Variants in GPATCH11 observed in about 807,000 individuals in gnomAD.
The protein encoded by GPATCH11 is G-patch domain containing 11.
In GPATCH11, 32 loss-of-function variants were observed where a neutral mutation model predicts 44.8. That is an observed-to-expected ratio of 0.71 (90% CI 0.54 to 0.96). The LOEUF (loss-of-function observed/expected upper bound fraction) is 0.96, where lower values mean the gene tolerates loss of function less well. GPATCH11 is among the 40% of genes least tolerant of loss of function. The probability of loss-of-function intolerance (pLI) is 0.00; values close to 1 mark genes in which losing one functional copy is unlikely to be tolerated. For synonymous variants in GPATCH11, 84 were observed against 94.4 expected (o/e 0.89, Z 0.64); for missense variants, 324 against 303.1 (o/e 1.07, Z -0.51).
rs376975082 is a variant in GPATCH11 at position 37,093,991 on chromosome 2, G to A, written c.541-91G>A. 66 of 829,112 alleles carry A rather than the reference G, an allele frequency of 8.0e-5. 1 individual carries two copies. Among genetic ancestry groups the A allele is most frequent in the East Asian group, 1.6e-4 (6 of 36,544 alleles). 51.4% of individuals were successfully genotyped at this position (829,112 alleles called of 1,614,324 possible). On this transcript the variant is annotated intron_variant, in intron 6 of 8. Coordinates refer to ENST00000674370, the MANE Select transcript of GPATCH11 (RefSeq NM_174931.4). ...TCTTAAAGCCACACTCAGTGAATAC[G>A]TATTGAAAGAATGAATTCATGTTGA...
At position 37,098,367 on chromosome 2, in the gene GPATCH11, T is replaced by C. The variant is rs34698441; in HGVS notation, c.*2104T>C. ...ATATATGTATGTATATATATATATA[T>C]ATAGAGAGAGAGAGAGAGAGAGAGC... On this transcript the variant is annotated 3_prime_UTR_variant, in exon 9 of 9. Transcript: ENST00000674370. The C allele has an allele frequency of 2.2e-5, 3 of 136,008 alleles. No individual in the cohort carries two copies. The highest frequency in any genetic ancestry group is 7.4e-5 in the Admixed American group (1 of 13,536). 8.4% of individuals were successfully genotyped at this position (136,008 alleles called of 1,614,324 possible). A position where few individuals can be genotyped will look rare whatever the true frequency, so the allele number is the denominator to read the frequency against.
chr2:37,090,285 A>G (rs1673252695), intron 3 of GPATCH11, among the ~76,000 whole-genome samples: 1 of 152,186 alleles, frequency 6.6e-6, no homozygotes, highest in Non-Finnish European at 1.5e-5. Context: ...CTCAATTCTC[A>G]CCTCTCTTTT....
chr2:37,093,103 G>A (rs891587801), intron 6 of GPATCH11, among the ~76,000 whole-genome samples: 2 of 152,182 alleles, frequency 1.3e-5, no homozygotes, highest in Admixed American at 6.5e-5. Flanking sequence ...CTATGTTCAT[G>A]CCACTGCACT....
At chr2:37,087,514 T>C (rs1469251959) in intron 1 of GPATCH11, among the ~76,000 whole-genome samples, 4 of 152,178 alleles carry the variant, frequency 2.6e-5, no homozygotes, top group African/African-American at 9.7e-5. Flanking sequence ...AGAAGTACTT[T>C]TGTAGAAAAT....
Position 37,099,027 on chromosome 2 carries a change from CG to C in GPATCH11, c.*2765del, listed in dbSNP as rs1244440866. The C allele has an allele frequency of 1.3e-5, 2 of 152,054 alleles. No individual in the cohort carries two copies. The highest frequency in any genetic ancestry group is 6.5e-5 in the Admixed American group (1 of 15,272). The allele number at this position is 152,054 out of a possible 1,614,324, so 9.4% of individuals were successfully genotyped here. On this transcript the variant is annotated 3_prime_UTR_variant, in exon 9 of 9. Transcript: ENST00000674370. ...TAAAATTTGTTGTAGAACATTAATA[CG>C]AAATTTGAAACTGCAAAACAATGTA...
chr2:37,089,954 T>G (rs1673237861), intron 3 of GPATCH11, 88 bp downstream of exon 3: 1 of 900,298 alleles, frequency 1.1e-6, no homozygotes, highest in South Asian at 1.6e-5. Flanking sequence ...TTAATCTTTA[T>G]CTACACAGAA....
At chr2:37,090,636 T>G (rs1329833404) in intron 3 of GPATCH11, 45 bp from the exon 4 acceptor site, 1 of 1,148,832 alleles carries the variant, frequency 8.7e-7, no homozygotes, top group Admixed American at 2.1e-5. Context: ...TGTTCTGTAG[T>G]TTGAGGAAAA....
chr2:37,096,027 T>C (rs1015894577), intron 8 of GPATCH11, among the ~76,000 whole-genome samples, 181 bp from the exon 9 acceptor site: 4 of 152,242 alleles, frequency 2.6e-5, no homozygotes, highest in African/African-American at 9.6e-5. Context: ...CTTTGCTAAC[T>C]TGTATTTAAG....
Position 37,092,240 on chromosome 2 carries a change from A to T in GPATCH11, c.525A>T (p.Gln175His), listed in dbSNP as rs1015832919. The change falls in exon 6 of 9, where the codon CAA becomes CAT. Residue 175 changes from glutamine (Q) to histidine (H), a missense_variant. Coordinates refer to ENST00000674370, the MANE Select transcript of GPATCH11 (RefSeq NM_174931.4). ...GAAGAAGCCAGCGAGCCTGTCAACAACTGGATGTCCAGAAAGTAAGCCTTT... is the reference window on the plus strand; with the variant it reads ...GAAGAAGCCAGCGAGCCTGTCAACATCTGGATGTCCAGAAAGTAAGCCTTT... ...DLRRSQRACQQLDVQKNIQVP... is the reference protein window; with the variant it reads ...DLRRSQRACQHLDVQKNIQVP... The T allele has an allele frequency of 6.7e-7, 1 of 1,495,074 alleles. No individual in the cohort carries two copies. The highest frequency in any genetic ancestry group is 1.4e-5 in the African/African-American group (1 of 70,242). The allele number at this position is 1,495,074 out of a possible 1,614,324, so 92.6% of individuals were successfully genotyped here. A position where few individuals can be genotyped will look rare whatever the true frequency, so the allele number is the denominator to read the frequency against.
intron 2 of GPATCH11, among the ~76,000 whole-genome samples, chr2:37,089,309 G>A (rs1206924549): frequency 6.6e-6 from 1 of 152,180 alleles, no homozygotes; most frequent in East Asian, 1.9e-4. Flanking sequence ...GCTCACGCCT[G>A]TAATCCCAGC....
Position 37,092,245 on chromosome 2 carries a change from A to T in GPATCH11, c.530A>T (p.Asp177Val). 1.3e-6 allele frequency: 2 copies of T among 1,485,970 alleles called. No homozygotes were observed. The allele number at this position is 1,485,970 out of a possible 1,614,324, so 92.0% of individuals were successfully genotyped here. ...RRSQRACQQL[D>V]VQKNIQVPRE... ...AGCCAGCGAGCCTGTCAACAACTGG[A>T]TGTCCAGAAAGTAAGCCTTTTACCA... The change falls in exon 6 of 9, where the codon GAT (aspartate) becomes GTT (valine). Residue 177 changes from aspartate (D) to valine (V), a missense_variant. By Grantham distance (152) the Asp-to-Val change is radical. Transcript: ENST00000674370.
intron 1 of GPATCH11, among the ~76,000 whole-genome samples, chr2:37,085,629 C>G (rs1672978469): frequency 6.6e-6 from 1 of 152,106 alleles, no homozygotes; most frequent in South Asian, 2.1e-4. Flanking sequence ...ATTCTTAGAA[C>G]CAAAAGAGAG....
intron 1 of GPATCH11, among the ~76,000 whole-genome samples, chr2:37,088,132 G>A (rs1196188054): frequency 6.6e-6 from 1 of 152,176 alleles, no homozygotes; most frequent in African/African-American, 2.4e-5. Flanking sequence ...AAGAGGTCAG[G>A]AAGAAGGAGA....
intron 4 of GPATCH11, 40 bp downstream of exon 4, chr2:37,090,762 A>G: frequency 2.9e-6 from 3 of 1,021,132 alleles, no homozygotes; most frequent in Non-Finnish European, 4.4e-6. Flanking sequence ...AATAATAATA[A>G]CTTACGCTTA....
intron 2 of GPATCH11, among the ~76,000 whole-genome samples, chr2:37,089,029 T>C (rs950688228): frequency 1.3e-5 from 2 of 152,222 alleles, no homozygotes; most frequent in Non-Finnish European, 2.9e-5. Flanking sequence ...CTAGCTGCTA[T>C]ACAACTTTGT....
Position 37,096,321 on chromosome 2 carries a change from A to G in GPATCH11, c.*58A>G, listed in dbSNP as rs1284243397. On this transcript the variant is annotated 3_prime_UTR_variant, in exon 9 of 9. Coordinates refer to ENST00000674370, the MANE Select transcript of GPATCH11 (RefSeq NM_174931.4). ...TGTTATTACTTCCTAGGGATAGACA[A>G]TTTAGCAGTTGGAAATCTCAAATTT... 1.2e-5 allele frequency: 13 copies of G among 1,098,732 alleles called. No individual in the cohort carries two copies. The highest frequency in any genetic ancestry group is 3.0e-5 in the South Asian group (2 of 67,290). 68.1% of individuals were successfully genotyped at this position (1,098,732 alleles called of 1,614,324 possible).
intron 7 of GPATCH11, among the ~76,000 whole-genome samples, chr2:37,095,151 A>G (rs1343625526): frequency 6.6e-6 from 1 of 152,216 alleles, no homozygotes; most frequent in Non-Finnish European, 1.5e-5. Context: ...CCTTGAAAGT[A>G]GAAAAAGCCT....
intron 7 of GPATCH11, 88 bp downstream of exon 7, chr2:37,094,283 C>A: frequency 2.5e-6 from 2 of 785,998 alleles, no homozygotes; most frequent in Non-Finnish European, 4.3e-6. Context: ...TTGTGGAGAG[C>A]TGTCCTGTGC....
At chr2:37,095,920 CCTTTT>C (rs1239881596) in intron 8 of GPATCH11, among the ~76,000 whole-genome samples, 2 of 152,110 alleles carry the variant, frequency 1.3e-5, no homozygotes, top group African/African-American at 4.8e-5. Context: ...GAAATCCATT[CCTTTT>C]TTTTTCCATT....
Sources: allele counts gnomAD v4.1 joint callset (sites outside exome capture counted in the v4.1 genomes callset), GRCh38; gene constraint gnomAD v4.1.1; transcripts MANE v1.5; gene names NCBI Gene and HGNC (gene_info 2026-07-23, HGNC 2026-07-21).